SRGAP3: variants seen among roughly 807,000 people sequenced by gnomAD.
SRGAP3 encodes SLIT-ROBO Rho GTPase-activating protein 3.
SRGAP3 carries 39 observed loss-of-function variants against 121.1 expected under a neutral mutation model. That is an observed-to-expected ratio of 0.32 (90% CI 0.25 to 0.42). The LOEUF is 0.42. SRGAP3 is among the 10% of genes least tolerant of loss of function. The pLI is 1.00. For synonymous variants in SRGAP3, 601 were observed against 570.0 expected (o/e 1.05, Z -0.77); for missense variants, 1,213 against 1,470.6 (o/e 0.82, Z 2.86).
At chr3:9,053,604 T>G (rs924855213) in intron 8 of SRGAP3, among the ~76,000 whole-genome samples, 4 of 152,170 alleles carry the variant, frequency 2.6e-5, no homozygotes, top group Non-Finnish European at 5.9e-5. Flanking sequence ...GGGACAACAT[T>G]AGATGTGCTC....
At chr3:9,348,919 C>T (rs2125293663) in intron 1 of SRGAP3, 2 of 993,140 alleles carry the variant, frequency 2.0e-6, no homozygotes, top group East Asian at 4.8e-5. Context: ...ACACTATTGC[C>T]AAGGCTCTGC....
At chr3:9,336,282 T>C (rs1955692553) in intron 1 of SRGAP3, among the ~76,000 whole-genome samples, 1 of 151,924 alleles carries the variant, frequency 6.6e-6, no homozygotes, top group African/African-American at 2.4e-5. Flanking sequence ...AGTGGTGTGA[T>C]CATAGCTCAC....
intron 3 of SRGAP3, among the ~76,000 whole-genome samples, chr3:9,315,871 G>A (rs1386181983): frequency 6.6e-6 from 1 of 152,010 alleles, no homozygotes; most frequent in Non-Finnish European, 1.5e-5. Context: ...TAAAATTAGG[G>A]AAGGGAAAAC....
At chr3:9,102,810 ATT>A (rs1948270836) in intron 3 of SRGAP3, among the ~76,000 whole-genome samples, 1 of 152,174 alleles carries the variant, frequency 6.6e-6, no homozygotes, top group African/African-American at 2.4e-5. Flanking sequence ...AACTGAAAAG[ATT>A]TATCTCACTT....
At chr3:9,177,534 G>A (rs966499004) in intron 1 of SRGAP3, among the ~76,000 whole-genome samples, 6 of 152,114 alleles carry the variant, frequency 3.9e-5, no homozygotes, top group African/African-American at 1.4e-4. Context: ...CTAGGAAGGA[G>A]GTCCGTGGCT....
At chr3:9,242,138 A>C (rs1953667815) in intron 1 of SRGAP3, among the ~76,000 whole-genome samples, 1 of 151,562 alleles carries the variant, frequency 6.6e-6, no homozygotes, top group African/African-American at 2.4e-5. Context: ...CTCTCTCCAT[A>C]AGCATACACT....
At chr3:9,085,010 G>A (rs777877680) in intron 3 of SRGAP3, among the ~76,000 whole-genome samples, 5 of 152,174 alleles carry the variant, frequency 3.3e-5, no homozygotes, top group Non-Finnish European at 7.4e-5. Flanking sequence ...TAGCTTTCCT[G>A]ACTGTAAAAT....
chr3:9,279,375 G>A (rs1180613857), intron 3 of SRGAP3, among the ~76,000 whole-genome samples: 1 of 152,116 alleles, frequency 6.6e-6, no homozygotes, highest in Non-Finnish European at 1.5e-5. Context: ...GGATAGGATG[G>A]CACCTCCAAG....
intron 3 of SRGAP3, among the ~76,000 whole-genome samples, chr3:9,268,066 A>C (rs1268883915): frequency 1.3e-5 from 2 of 152,184 alleles, no homozygotes; most frequent in East Asian, 1.9e-4. Flanking sequence ...CCCTCATCCA[A>C]CAACCCAGGA....
rs762229324 is a variant in SRGAP3, at chr3:9,024,006, G to A, written c.1678+1255C>T. Among the ~76,000 whole-genome samples, 3 of 152,182 alleles carry A rather than the reference G, an allele frequency of 2.0e-5. 1 individual carries two copies. The highest frequency in any genetic ancestry group is 4.1e-4 in the South Asian group (2 of 4,822). On this transcript the variant is annotated intron_variant, in intron 14 of 21. Transcript: ENST00000383836. The stretch of plus-strand genomic sequence containing the variant: ...ACCGCAGGATGGAATGGAGATGACC[G>A]AGAGGCAGAGAATTTGCTCAAGAGG...
chr3:9,232,637 C>T (rs1272735571), intron 1 of SRGAP3, among the ~76,000 whole-genome samples: 1 of 152,116 alleles, frequency 6.6e-6, no homozygotes, highest in Non-Finnish European at 1.5e-5. Context: ...AAAAAAGATA[C>T]ACAGCCAAAC....
chr3:9,212,641 G>C (rs542312255), intron 1 of SRGAP3, among the ~76,000 whole-genome samples: 1 of 152,270 alleles, frequency 6.6e-6, no homozygotes, highest in East Asian at 1.9e-4. Context: ...CTTGAACCAG[G>C]GAGTCAGAGG....
intron 2 of SRGAP3, among the ~76,000 whole-genome samples, chr3:9,328,984 G>A (rs1299457641): frequency 8.0e-6 from 1 of 124,628 alleles, no homozygotes; most frequent in African/African-American, 3.4e-5. Context: ...CATAAAACAA[G>A]ATGGAGACCC....
intron 2 of SRGAP3, among the ~76,000 whole-genome samples, chr3:9,114,337 A>G (rs1948731274): frequency 6.6e-6 from 1 of 152,144 alleles, no homozygotes; most frequent in Non-Finnish European, 1.5e-5. Context: ...CATTATTACC[A>G]CTAGCACCTC....
intron 3 of SRGAP3, among the ~76,000 whole-genome samples, chr3:9,314,686 C>T (rs1035453861): frequency 2.0e-5 from 3 of 152,148 alleles, no homozygotes; most frequent in Admixed American, 6.5e-5. Context: ...CCTCCTCTCC[C>T]CAGTGCTGGA....
intron 3 of SRGAP3, among the ~76,000 whole-genome samples, chr3:9,095,783 C>T (rs574653447): frequency 1.3e-5 from 2 of 152,252 alleles, no homozygotes; most frequent in Non-Finnish European, 1.5e-5. Flanking sequence ...AAATGTATAA[C>T]CTTGCGAGGT....
intron 1 of SRGAP3, among the ~76,000 whole-genome samples, chr3:9,244,512 A>G (rs1953756315): frequency 6.6e-6 from 1 of 152,138 alleles, no homozygotes; most frequent in South Asian, 2.1e-4. Context: ...TGGAAATAGG[A>G]ACTCTGAATA....
At chr3:9,096,937 GTATATATATATATATATATATATATA>G (rs58305278) in intron 3 of SRGAP3, among the ~76,000 whole-genome samples, 1,124 of 61,326 alleles carry the variant, frequency 0.018, 47 homozygotes, top group African/African-American at 0.05. Context: ...ACATTATTTT[GTATATATATATATATATATATATATA>G]TATATATATA....
At chr3:9,105,431 T>C (rs985810430) in intron 2 of SRGAP3, among the ~76,000 whole-genome samples, 3 of 152,210 alleles carry the variant, frequency 2.0e-5, no homozygotes, top group Admixed American at 2.0e-4. Flanking sequence ...TGCAAGTACC[T>C]ACAAGACAAA....
Sources: gnomAD v4.1 joint callset for allele counts (sites outside exome capture counted in the v4.1 genomes callset) on GRCh38, gnomAD v4.1.1 for gene constraint, MANE v1.5 for transcripts, NCBI Gene and HGNC (gene_info 2026-07-23, HGNC 2026-07-21) for gene names.